PCK1: variants seen among roughly 807,000 people sequenced by gnomAD.
PCK1 encodes phosphoenolpyruvate carboxykinase 1.
PCK1 carries 44 observed loss-of-function variants against 50.3 expected under a neutral mutation model. The ratio of observed to expected loss-of-function variants is 0.87; its 90% CI spans 0.69 to 1.12. PCK1 has a LOEUF of 1.12. PCK1 is among the 50% of genes most tolerant of loss of function. The pLI, the probability that PCK1 is intolerant of heterozygous loss-of-function variation, is 0.00. For synonymous variants in PCK1, 332 were observed against 314.3 expected, an observed-to-expected ratio of 1.06 and a Z score of -0.59; for missense variants, 790 against 815.0, an observed-to-expected ratio of 0.97 and a Z score of 0.37.
In PCK1 at chr20:57,562,122, G is replaced by A. The variant is rs771945652; in HGVS notation, c.276G>A (p.Thr92=). Reference sequence around the variant, plus strand: ...ATGTGGCCAGGATCGAAAGCAAGACGGTTATCGTCACCCAAGAGCAAAGAG... The same window carrying A: ...ATGTGGCCAGGATCGAAAGCAAGACAGTTATCGTCACCCAAGAGCAAAGAG... ...PRDVARIESK[T]VIVTQEQRDT... is the part of the protein sequence containing the mutation. Residue 92 remains threonine (T), a synonymous_variant, in exon 3 of 10, where the codon ACG becomes ACA. Transcript: ENST00000319441. The A allele has an allele frequency of 2.4e-5, 39 of 1,614,028 alleles. No homozygotes were observed. Among genetic ancestry groups the A allele is most frequent in the African/African-American group, 5.3e-5 (4 of 74,914 alleles).
intron 2 of PCK1, 45 bp downstream of exon 2, chr20:57,561,680 GCTCCCC>G: frequency 7.5e-7 from 1 of 1,326,342 alleles, no homozygotes; most frequent in Non-Finnish European, 1.1e-6. Context: ...TGCAGGCAGG[GCTCCCC>G]TGCGTCTCCT....
rs1476671696 is a variant in PCK1 at position 57,564,288 on chromosome 20, G to C, written c.1081G>C (p.Ala361Pro). 1 of 1,614,004 alleles carries C rather than the reference G, an allele frequency of 6.2e-7. No homozygotes were observed. Among genetic ancestry groups the C allele is most frequent in the African/African-American group, 1.3e-5 (1 of 74,908 alleles). ...IQKNTIFTNV[A>P]ETSDGGVYWE... ...GAAGAACACAATCTTTACCAATGTG[G>C]CCGAGACCAGCGACGGGGGCGTTTA... is the stretch of plus-strand genomic sequence containing the variant. Residue 361 changes from alanine (A) to proline (P), a missense_variant, in exon 7 of 10, where the codon GCC (alanine) becomes CCC (proline). Coordinates refer to ENST00000319441, the MANE Select transcript of PCK1 (RefSeq NM_002591.4).
Position 57,565,568 on chromosome 20 carries a change from G to A in PCK1, c.1633G>A (p.Asp545Asn), listed in dbSNP as rs202078062. The A allele has an allele frequency of 6.0e-5, 97 of 1,614,032 alleles. No individual in the cohort carries two copies. The highest frequency in any genetic ancestry group is 7.9e-5 in the Non-Finnish European group (93 of 1,180,000). Residue 545 changes from aspartate (D) to asparagine (N), a missense_variant, in exon 10 of 10, where the codon GAT becomes AAT. By Grantham distance (23) the Asp-to-Asn change is conservative. Coordinates refer to ENST00000319441, the MANE Select transcript of PCK1 (RefSeq NM_002591.4). ...GCTGGAGTGGATGTTCAACCGGATC[G>A]ATGGAAAAGCCAGCACCAAGCTCAC... ...RVLEWMFNRIDGKASTKLTPI... is the reference protein window; with the variant it reads ...RVLEWMFNRINGKASTKLTPI...
At chr20:57,561,253 A>G (rs2070137603) in intron 1 of PCK1, 50 bp downstream of exon 1, 1 of 578,270 alleles carries the variant, frequency 1.7e-6, no homozygotes, top group Non-Finnish European at 3.1e-6. Flanking sequence ...AGATGAACTC[A>G]TTTTTTTCCT....
At chr20:57,565,231 GGAGAGAGA>G (rs149495915) in intron 9 of PCK1, 96 bp downstream of exon 9, 3 of 1,232,492 alleles carry the variant, frequency 2.4e-6, no homozygotes, top group Non-Finnish European at 3.6e-6. Context: ...CTGTGTGTGG[GGAGAGAGA>G]GAGAGAGAAA....
chr20:57,565,218 T>G, intron 9 of PCK1, 83 bp downstream of exon 9: 1 of 1,293,438 alleles, frequency 7.7e-7, no homozygotes, highest in East Asian at 2.3e-5. Context: ...TCCTTTTCTG[T>G]GTCTGTGTGT....
Position 57,564,188 on chromosome 20 carries a change from C to T in PCK1, c.981C>T (p.Asn327=). Residue 327 remains asparagine, a synonymous_variant, in exon 7 of 10, where the codon AAC becomes AAT. Transcript: ENST00000319441. ...FDAQGHLRAI[N]PENGFFGVAP... ...CTCCAGGTCATTTAAGGGCCATCAA[C>T]CCAGAAAATGGCTTTTTCGGTGTCG... The T allele has an allele frequency of 6.2e-7, 1 of 1,613,594 alleles. No individual in the cohort carries two copies. The highest frequency in any genetic ancestry group is 8.5e-7 in the Non-Finnish European group (1 of 1,179,580).
chr20:57,562,759 G>T lies in PCK1; in HGVS notation c.470G>T (p.Gly157Val), dbSNP rs866524390. The T allele has an allele frequency of 6.2e-7, 1 of 1,613,952 alleles. No individual in the cohort carries two copies. Among genetic ancestry groups the T allele is most frequent in the Non-Finnish European group, 8.5e-7 (1 of 1,179,934 alleles). The change falls in exon 4 of 10, where the codon GGC becomes GTC. Residue 157 changes from glycine (G) to valine (V), a missense_variant. Coordinates refer to ENST00000319441, the MANE Select transcript of PCK1 (RefSeq NM_002591.4). ...GPLGSPLSKI[G>V]IELTDSPYVV... is the part of the protein sequence containing the mutation. ...CTGGGCTCGCCTCTGTCAAAGATCG[G>T]CATCGAGCTGACGGATTCACCCTAC...
In PCK1 at chr20:57,565,790, AT is replaced by A; in HGVS notation, c.1856del (p.Ile619LysfsTer35). 6.2e-7 allele frequency: 1 copy of A among 1,609,326 alleles called. No individual in the cohort carries two copies. The highest frequency in any genetic ancestry group is 8.5e-7 in the Non-Finnish European group (1 of 1,177,756). On this transcript the variant is annotated frameshift_variant, in exon 10 of 10. Transcript: ENST00000319441. LOFTEE classifies it high-confidence loss of function. ...EREILALKQR[I>X]SQM The stretch of plus-strand genomic sequence containing the variant: ...AGAGATCCTTGCCTTGAAGCAAAGA[AT>A]AAGCCAGATGTAATCAGGGCCTGAG...
chr20:57,566,404 T>C lies in PCK1; in HGVS notation c.*600T>C, dbSNP rs1436604743. Reference sequence around the variant, plus strand: ...CTTACCTTTACATAATTGCAATATTTCCCCCTTACTACTTCTTGGAAAAAA... The same window carrying C: ...CTTACCTTTACATAATTGCAATATTCCCCCCTTACTACTTCTTGGAAAAAA... On this transcript the variant is annotated 3_prime_UTR_variant, in exon 10 of 10. Transcript: ENST00000319441. 1 of 152,186 alleles carries C rather than the reference T, an allele frequency of 6.6e-6. No individual in the cohort carries two copies. Among genetic ancestry groups the C allele is most frequent in the East Asian group, 1.9e-4 (1 of 5,206 alleles). 9.4% of individuals were successfully genotyped at this position (152,186 alleles called of 1,614,324 possible).
intron 6 of PCK1, 172 bp downstream of exon 6, chr20:57,563,899 C>T: frequency 1.6e-6 from 1 of 636,444 alleles, no homozygotes; most frequent in South Asian, 2.0e-5. Context: ...ACTTAATATT[C>T]AATCTGGATT....
chr20:57,564,513 C>A lies in PCK1; in HGVS notation c.1218C>A (p.Phe406Leu), dbSNP rs765721123. Residue 406 changes from phenylalanine (F) to leucine (L), a missense_variant, in exon 8 of 10, where the codon TTC (phenylalanine) becomes TTA (leucine). Coordinates refer to ENST00000319441, the MANE Select transcript of PCK1 (RefSeq NM_002591.4). Reference sequence around the variant, plus strand: ...CTTGTGCCCACCCCAACTCGAGGTTCTGCACCCCTGCCAGCCAGTGCCCCA... The same window carrying A: ...CTTGTGCCCACCCCAACTCGAGGTTATGCACCCCTGCCAGCCAGTGCCCCA... ...GEPCAHPNSRFCTPASQCPII... is the reference protein window; with the variant it reads ...GEPCAHPNSRLCTPASQCPII... 1.2e-6 allele frequency: 2 copies of A among 1,614,222 alleles called. No individual in the cohort carries two copies. The highest frequency in any genetic ancestry group is 1.7e-6 in the Non-Finnish European group (2 of 1,180,030).
In PCK1 at chr20:57,563,133, C is replaced by A; in HGVS notation, c.716C>A (p.Ser239Ter). Residue 239 changes from serine to a stop codon, truncating the protein, a stop_gained, in exon 5 of 10, where the codon TCG becomes TAG. Coordinates refer to ENST00000319441, the MANE Select transcript of PCK1 (RefSeq NM_002591.4). LOFTEE classifies it high-confidence loss of function. ...TTTGGCAGTGGGTACGGCGGGAACTCGCTGCTCGGGAAGAAGTGCTTTGCT... is the reference window on the plus strand; with the variant it reads ...TTTGGCAGTGGGTACGGCGGGAACTAGCTGCTCGGGAAGAAGTGCTTTGCT... ...ISFGSGYGGN[S>*]LLGKKCFALR... 1.2e-6 allele frequency: 2 copies of A among 1,613,818 alleles called. No homozygotes were observed. Among genetic ancestry groups the A allele is most frequent in the South Asian group, 1.1e-5 (1 of 91,086 alleles).
chr20:57,563,921 A>G, intron 6 of PCK1, 194 bp downstream of exon 6: 1 of 619,370 alleles, frequency 1.6e-6, no homozygotes, highest in Non-Finnish European at 2.8e-6. Flanking sequence ...AAACTGGGCC[A>G]TATGTTGCTG....
chr20:57,563,011 G>A lies in PCK1; in HGVS notation c.611-17G>A, dbSNP rs747048220. 2 of 1,608,904 alleles carry A rather than the reference G, an allele frequency of 1.2e-6. No homozygotes were observed. Among genetic ancestry groups the A allele is most frequent in the South Asian group, 1.1e-5 (1 of 90,690 alleles). ...AGGGCCCTGGCGCACTGACTTGGGAGGGGTCCTTGTTCACAGAGCCTTTGG... is the reference window on the plus strand; with the variant it reads ...AGGGCCCTGGCGCACTGACTTGGGAAGGGTCCTTGTTCACAGAGCCTTTGG... On this transcript the variant is annotated splice_polypyrimidine_tract_variant and intron_variant, in intron 4 of 9. Coordinates refer to ENST00000319441, the MANE Select transcript of PCK1 (RefSeq NM_002591.4).
Position 57,563,123 on chromosome 20 carries a change from G to T in PCK1, c.706G>T (p.Gly236Cys). 6.2e-7 allele frequency: 1 copy of T among 1,613,942 alleles called. No individual in the cohort carries two copies. Among genetic ancestry groups the T allele is most frequent in the Non-Finnish European group, 8.5e-7 (1 of 1,180,026 alleles). The change falls in exon 5 of 10, where the codon GGC becomes TGC. Residue 236 changes from glycine (G) to cysteine (C), a missense_variant. Transcript: ENST00000319441. ...GATCATCTCCTTTGGCAGTGGGTAC[G>T]GCGGGAACTCGCTGCTCGGGAAGAA... is the stretch of plus-strand genomic sequence containing the variant. ...REIISFGSGY[G>C]GNSLLGKKCF...
intron 5 of PCK1, 95 bp downstream of exon 5, chr20:57,563,310 T>A: frequency 8.5e-7 from 1 of 1,173,638 alleles, no homozygotes; most frequent in Non-Finnish European, 1.2e-6. Flanking sequence ...CACACCTCTC[T>A]GAGCGTGCAG....
At position 57,564,945 on chromosome 20, in the gene PCK1, G is replaced by A. The variant is rs888708387; in HGVS notation, c.1319-95G>A. The A allele has an allele frequency of 4.0e-5, 36 of 906,552 alleles. No individual in the cohort carries two copies. The Admixed American group carries it at 7.2e-4, about 18-fold the overall frequency. The allele number at this position is 906,552 out of a possible 1,614,324, so 56.2% of individuals were successfully genotyped here. A position where few individuals can be genotyped will look rare whatever the true frequency, so the allele number is the denominator to read the frequency against. On this transcript the variant is annotated intron_variant, in intron 8 of 9. Coordinates refer to ENST00000319441, the MANE Select transcript of PCK1 (RefSeq NM_002591.4). ...AGCTCGATTACAAAGTTATTGTCTTGCCGTGTCTTTCCGTGTTGTGAATAA... is the reference window on the plus strand; with the variant it reads ...AGCTCGATTACAAAGTTATTGTCTTACCGTGTCTTTCCGTGTTGTGAATAA...
intron 2 of PCK1, 95 bp downstream of exon 2, chr20:57,561,730 C>T (rs770135580): frequency 6.7e-5 from 55 of 826,524 alleles, no homozygotes; most frequent in Non-Finnish European, 9.1e-5. Flanking sequence ...TGAAGGCCTT[C>T]GGGTAGTTTC....
Sources: gnomAD v4.1 joint callset for allele counts on GRCh38, gnomAD v4.1.1 for gene constraint, MANE v1.5 for transcripts, NCBI Gene and HGNC (gene_info 2026-07-23, HGNC 2026-07-21) for gene names.